GRIK3: variants seen among roughly 807,000 people sequenced by gnomAD.
The protein encoded by GRIK3 is glutamate ionotropic receptor kainate type subunit 3.
A neutral mutation model predicts 102.5 loss-of-function variants in GRIK3; 29 were observed. The ratio of observed to expected loss-of-function variants is 0.28; its 90% CI spans 0.21 to 0.39. The LOEUF is 0.39. Ranked by LOEUF, GRIK3 falls within the 10% of genes least tolerant of loss-of-function variation. The pLI, the probability that GRIK3 is intolerant of heterozygous loss-of-function variation, is 1.00. For missense variants in GRIK3, 908 were observed against 1,252.4 expected, an observed-to-expected ratio of 0.73 and a Z score of 4.15; for synonymous variants, 511 against 504.9, an observed-to-expected ratio of 1.01 and a Z score of -0.16.
In GRIK3 at chr1:37,019,608, G is replaced by T. The variant is rs6698860; in HGVS notation, c.115+14386C>A. Among the ~76,000 whole-genome samples the T allele has an allele frequency of 1.2e-4, 18 of 152,104 alleles. No individual in the cohort carries two copies. The South Asian group carries it at 3.7e-3, about 32-fold the overall frequency. ...CCAGGAGTGCTGTTTCATTGCCCCC[G>T]CATCCTGGAGCCCCCGCAAATCCCC... is the stretch of plus-strand genomic sequence containing the variant. On this transcript the variant is annotated intron_variant, in intron 1 of 15. Transcript: ENST00000373091.
chr1:36,858,508 A>G (rs960880533), intron 7 of GRIK3, among the ~76,000 whole-genome samples: 1 of 152,208 alleles, frequency 6.6e-6, no homozygotes, highest in African/African-American at 2.4e-5. Context: ...CAGTTTCCAT[A>G]TTCTCTGGTT....
intron 1 of GRIK3, among the ~76,000 whole-genome samples, chr1:36,957,540 C>CTCTGCCCCATGAGCCTGTGTGCTCTGTAT (rs1557440561): frequency 9.8e-5 from 1 of 10,176 alleles, no homozygotes; most frequent in African/African-American, 3.6e-4. Context: ...TGCCCCGTGT[C>CTCTGCCCCATGAGCCTGTGTGCTCTGTAT]CTGTGCCCCG....
At chr1:36,878,816 G>A (rs1232912197) in intron 3 of GRIK3, among the ~76,000 whole-genome samples, 4 of 152,304 alleles carry the variant, frequency 2.6e-5, no homozygotes, top group East Asian at 1.9e-4. Context: ...CTAATTCATC[G>A]CTCCAGGGAG....
At chr1:36,894,500 T>G (rs1054349967) in intron 1 of GRIK3, among the ~76,000 whole-genome samples, 3 of 152,230 alleles carry the variant, frequency 2.0e-5, no homozygotes, top group Non-Finnish European at 1.5e-5. Context: ...AAGTTGCCAT[T>G]CTGTCCTAAC....
chr1:36,998,845 C>T (rs1231809550), intron 1 of GRIK3, among the ~76,000 whole-genome samples: 2 of 152,138 alleles, frequency 1.3e-5, no homozygotes, highest in Non-Finnish European at 2.9e-5. Flanking sequence ...CACTGAAGGG[C>T]CCCTCCAAGT....
intron 10 of GRIK3, among the ~76,000 whole-genome samples, chr1:36,831,662 G>T (rs988965469): frequency 2.6e-5 from 4 of 152,324 alleles, no homozygotes; most frequent in Admixed American, 6.5e-5. Flanking sequence ...ACGATGAAAA[G>T]GTTCTCTGTT....
At chr1:36,908,417 G>A (rs186308553) in intron 1 of GRIK3, among the ~76,000 whole-genome samples, 161 of 152,268 alleles carry the variant, frequency 1.1e-3, no homozygotes, top group African/African-American at 3.8e-3. Flanking sequence ...CCCTTCTAGA[G>A]AGCCTGTAGC....
At chr1:36,814,695 C>T (rs560132308) in intron 13 of GRIK3, among the ~76,000 whole-genome samples, 1 of 152,036 alleles carries the variant, frequency 6.6e-6, no homozygotes, top group South Asian at 2.1e-4. Flanking sequence ...CATACACACA[C>T]AAAGGCGAGT....
intron 9 of GRIK3, among the ~76,000 whole-genome samples, chr1:36,844,836 C>T (rs1213572377): frequency 6.6e-6 from 1 of 152,108 alleles, no homozygotes; most frequent in African/African-American, 2.4e-5. Context: ...AGAGGCCACA[C>T]CCAATGCATC....
At chr1:36,835,270 G>C (rs1557697169) in intron 10 of GRIK3, among the ~76,000 whole-genome samples, 1 of 152,198 alleles carries the variant, frequency 6.6e-6, no homozygotes, top group Non-Finnish European at 1.5e-5. Context: ...GCCACCTCTG[G>C]CCTCCAGCCC....
intron 1 of GRIK3, among the ~76,000 whole-genome samples, chr1:36,991,145 T>C (rs1642358933): frequency 6.6e-6 from 1 of 152,220 alleles, no homozygotes; most frequent in South Asian, 2.1e-4. Context: ...TCTCTGAGCC[T>C]GTCTTCTCAT....
intron 1 of GRIK3, among the ~76,000 whole-genome samples, chr1:36,954,201 C>T (rs1414839929): frequency 6.6e-6 from 1 of 152,208 alleles, no homozygotes. Context: ...GGGAAGCTCT[C>T]ACCCCTCACC....
intron 1 of GRIK3, among the ~76,000 whole-genome samples, chr1:37,027,635 GACGTCAC>G (rs1642777247): frequency 6.6e-6 from 1 of 152,192 alleles, no homozygotes; most frequent in Non-Finnish European, 1.5e-5. Context: ...CTTTTGAAAA[GACGTCAC>G]ACGTATTTAA....
intron 1 of GRIK3, among the ~76,000 whole-genome samples, chr1:37,008,766 G>T (rs769937856): frequency 1.3e-4 from 20 of 152,206 alleles, no homozygotes; most frequent in Non-Finnish European, 2.4e-4. Context: ...GGACAGCGAG[G>T]TCAGAAAATT....
rs768062478 is a variant in GRIK3 at position 36,998,979 on chromosome 1, A to AGTGTGTGTGTGT, written c.115+35003_115+35014dup. On this transcript the variant is annotated intron_variant, in intron 1 of 15. Coordinates refer to ENST00000373091, the MANE Select transcript of GRIK3 (RefSeq NM_000831.4). ...CTACCCTACTCTGCAGAACTTTGGA[A>AGTGTGTGTGTGT]GTGTGTGTGTGTGTGTGTGTGTGTG... Among the ~76,000 whole-genome samples the AGTGTGTGTGTGT allele has an allele frequency of 2.3e-5, 3 of 128,296 alleles. No individual in the cohort carries two copies. In the South Asian group the frequency reaches 7.9e-4, roughly 34 times the overall value. 84.2% of individuals were successfully genotyped at this position (128,296 alleles called of 152,430 possible). A position where few individuals can be genotyped will look rare whatever the true frequency, so the allele number is the denominator to read the frequency against.
At chr1:36,802,842 C>T (rs551466305) in intron 15 of GRIK3, among the ~76,000 whole-genome samples, 1 of 152,098 alleles carries the variant, frequency 6.6e-6, no homozygotes, top group Non-Finnish European at 1.5e-5. Flanking sequence ...TCTTGCTCTG[C>T]CTCCTACCAG....
At chr1:36,834,691 C>T (rs778093795) in intron 10 of GRIK3, among the ~76,000 whole-genome samples, 15 of 152,180 alleles carry the variant, frequency 9.9e-5, no homozygotes, top group Middle Eastern at 3.2e-3. Context: ...TGCTTCAGGG[C>T]GCACTCCAAA....
intron 2 of GRIK3, among the ~76,000 whole-genome samples, chr1:36,887,482 C>T (rs1330706053): frequency 1.3e-5 from 2 of 151,998 alleles, no homozygotes; most frequent in African/African-American, 2.4e-5. Context: ...ATAGGCGGGG[C>T]GTGGTGGCTC....
At chr1:36,803,282 A>G (rs928431618) in intron 15 of GRIK3, among the ~76,000 whole-genome samples, 2 of 152,156 alleles carry the variant, frequency 1.3e-5, no homozygotes, top group East Asian at 1.9e-4. Context: ...GGCCTAAGGC[A>G]GAAATGTGCT....
Sources: allele counts gnomAD v4.1 joint callset (sites outside exome capture counted in the v4.1 genomes callset), GRCh38; gene constraint gnomAD v4.1.1; transcripts MANE v1.5; gene names NCBI Gene and HGNC (gene_info 2026-07-23, HGNC 2026-07-21).